The following MAN1A1 variants were observed in gnomAD, a reference collection of about 807,000 sequenced individuals.
MAN1A1 encodes the protein mannosyl-oligosaccharide 1,2-alpha-mannosidase IA.
Under a neutral mutation model 70.8 loss-of-function variants are expected in MAN1A1, and 29 were observed. The ratio of observed to expected loss-of-function variants is 0.41; its 90% CI spans 0.31 to 0.56. MAN1A1 has a LOEUF of 0.56. Among genes scored for constraint, MAN1A1 ranks in the 20% least tolerant of loss-of-function variants. The probability of loss-of-function intolerance (pLI) is 0.29; values close to 1 mark genes in which losing one functional copy is unlikely to be tolerated. For synonymous variants in MAN1A1, 349 were observed against 330.1 expected (o/e 1.06, Z -0.62); for missense variants, 747 against 841.3 (o/e 0.89, Z 1.39).
intron 6 of MAN1A1, among the ~76,000 whole-genome samples, chr6:119,229,223 A>T (rs541933121): frequency 2.0e-5 from 3 of 151,994 alleles, no homozygotes; most frequent in Non-Finnish European, 4.4e-5. Context: ...ACAAAAAAAA[A>T]AAAAACAAAA....
chr6:119,322,288 C>T lies in MAN1A1; in HGVS notation c.604-15296G>A, dbSNP rs145756402. ...ATCCACATTACTAAGTGTTGTCATT[C>T]TGGTTCCATTTCTGCTTTTTTTCTT... On this transcript the variant is annotated intron_variant, in intron 2 of 12. Coordinates refer to ENST00000368468, the MANE Select transcript of MAN1A1 (RefSeq NM_005907.4). Among the ~76,000 whole-genome samples the T allele has an allele frequency of 7.9e-3, 1,197 of 152,300 alleles. 20 individuals are homozygous for T. Among genetic ancestry groups the T allele is most frequent in the African/African-American group, 0.028 (1,148 of 41,570 alleles).
In MAN1A1 at chr6:119,349,158, T is replaced by A; in HGVS notation, c.-93A>T. 8.1e-7 allele frequency: 1 copy of A among 1,232,786 alleles called. No homozygotes were observed. The highest frequency in any genetic ancestry group is 1.0e-6 in the Non-Finnish European group (1 of 989,322). 76.4% of individuals were successfully genotyped at this position (1,232,786 alleles called of 1,614,324 possible). Reference sequence around the variant, plus strand: ...CGCGGCTGCGGGGCTGGGTCCTGCGTAGCCAGGCCGCCCGACCCCCTCGGC... The same window carrying A: ...CGCGGCTGCGGGGCTGGGTCCTGCGAAGCCAGGCCGCCCGACCCCCTCGGC... On this transcript the variant is annotated 5_prime_UTR_variant, in exon 2 of 13. Coordinates refer to ENST00000368468, the MANE Select transcript of MAN1A1 (RefSeq NM_005907.4).
intron 5 of MAN1A1, among the ~76,000 whole-genome samples, chr6:119,278,820 T>C (rs934376708): frequency 1.3e-5 from 2 of 152,028 alleles, no homozygotes; most frequent in African/African-American, 4.8e-5. Flanking sequence ...CTCCCTTCTC[T>C]CTCTTGGTCC....
chr6:119,290,978 C>T (rs1394271801), intron 4 of MAN1A1, among the ~76,000 whole-genome samples: 3 of 151,870 alleles, frequency 2.0e-5, no homozygotes, highest in East Asian at 1.9e-4. Flanking sequence ...CCCCAAAATA[C>T]GTACAATCAT....
At chr6:119,266,539 C>CA (rs71015032) in intron 5 of MAN1A1, among the ~76,000 whole-genome samples, 62,815 of 150,890 alleles carry the variant, frequency 0.42, 13,521 homozygotes, top group East Asian at 0.67. Context: ...TATACACATA[C>CA]AAAAAAAAAT....
At position 119,290,729 on chromosome 6, in the gene MAN1A1, C is replaced by T. The variant is rs549618407; in HGVS notation, c.851G>A (p.Arg284His). 3.7e-6 allele frequency: 6 copies of T among 1,610,506 alleles called. No individual in the cohort carries two copies. Among genetic ancestry groups the T allele is most frequent in the East Asian group, 2.2e-5 (1 of 44,694 alleles). Residue 284 changes from arginine (R) to histidine (H), a missense_variant, in exon 5 of 13, where the codon CGC (arginine) becomes CAC (histidine). By Grantham distance (29) the Arg-to-His change is conservative. Transcript: ENST00000368468. ...GGCTGAGAGTAGTCCACCAACAAAG[C>T]GTATATTTACTTCAAAGACAGAAAT... ...AEISVFEVNIRFVGGLLSAYY... is the reference protein window; with the variant it reads ...AEISVFEVNIHFVGGLLSAYY...
At chr6:119,336,995 A>T (rs1370733759) in intron 2 of MAN1A1, among the ~76,000 whole-genome samples, 1 of 152,246 alleles carries the variant, frequency 6.6e-6, no homozygotes, top group Non-Finnish European at 1.5e-5. Context: ...ACTTTTCAAT[A>T]AAATAACAGA....
intron 2 of MAN1A1, among the ~76,000 whole-genome samples, chr6:119,331,300 A>G (rs1337326864): frequency 6.6e-6 from 1 of 152,022 alleles, no homozygotes; most frequent in Non-Finnish European, 1.5e-5. Context: ...TTTAAAATTC[A>G]TACTGCATTT....
At chr6:119,346,760 G>A (rs1373406733) in intron 2 of MAN1A1, among the ~76,000 whole-genome samples, 3 of 152,090 alleles carry the variant, frequency 2.0e-5, no homozygotes, top group Admixed American at 6.5e-5. Flanking sequence ...TCTTTTCCTC[G>A]GACAACTGTG....
chr6:119,248,420 T>A (rs1367059897), intron 5 of MAN1A1, 66 bp from the exon 6 acceptor site: 6 of 804,108 alleles, frequency 7.5e-6, no homozygotes, highest in Non-Finnish European at 1.3e-5. Flanking sequence ...TATACTATTA[T>A]CTAATAGTTA....
At chr6:119,347,559 C>G (rs1420813611) in intron 2 of MAN1A1, among the ~76,000 whole-genome samples, 1 of 152,168 alleles carries the variant, frequency 6.6e-6, no homozygotes, top group Non-Finnish European at 1.5e-5. Context: ...CCACAGACCG[C>G]GTGGTGACAG....
In MAN1A1 at chr6:119,312,423, C is replaced by T. The variant is rs3778108; in HGVS notation, c.604-5431G>A. On this transcript the variant is annotated intron_variant, in intron 2 of 12. Transcript: ENST00000368468. ...AACTGGAAAACAGAACGGAGAGACA[C>T]AGATAAAAAGCAACTTGGGGGAAAT... Among the ~76,000 whole-genome samples the T allele has an allele frequency of 5.9e-3, 896 of 152,264 alleles. 31 individuals carry two copies. In the East Asian group the frequency reaches 0.09, roughly 15 times the overall value.
chr6:119,258,782 C>A (rs190461477), intron 5 of MAN1A1, among the ~76,000 whole-genome samples: 1 of 151,764 alleles, frequency 6.6e-6, no homozygotes, highest in African/African-American at 2.4e-5. Context: ...TTTTATGATT[C>A]GGTGAAATGT....
chr6:119,189,381 G>A (rs1236615267), intron 10 of MAN1A1, among the ~76,000 whole-genome samples: 1 of 152,204 alleles, frequency 6.6e-6, no homozygotes, highest in Admixed American at 6.5e-5. Context: ...CAGGGAGATA[G>A]AGACCCTTGC....
intron 2 of MAN1A1, among the ~76,000 whole-genome samples, chr6:119,322,379 C>A (rs1773032340): frequency 6.6e-6 from 1 of 152,120 alleles, no homozygotes. Context: ...CTATGATATG[C>A]CTTGCCAGTA....
intron 2 of MAN1A1, among the ~76,000 whole-genome samples, chr6:119,327,127 G>A (rs1014873844): frequency 6.6e-6 from 1 of 152,088 alleles, no homozygotes; most frequent in African/African-American, 2.4e-5. Context: ...AGAGCAACCT[G>A]GATTATCCAG....
intron 6 of MAN1A1, among the ~76,000 whole-genome samples, chr6:119,242,786 C>T (rs1353464533): frequency 6.6e-6 from 1 of 152,028 alleles, no homozygotes; most frequent in Non-Finnish European, 1.5e-5. Flanking sequence ...AGTGAATTTT[C>T]CAGAGACAGA....
chr6:119,347,523 G>T (rs1187239267), intron 2 of MAN1A1, among the ~76,000 whole-genome samples: 1 of 152,158 alleles, frequency 6.6e-6, no homozygotes, highest in African/African-American at 2.4e-5. Context: ...TTTCACACAG[G>T]GAAGTAGCTC....
chr6:119,306,846 C>A, intron 3 of MAN1A1, 50 bp downstream of exon 3: 1 of 1,300,612 alleles, frequency 7.7e-7, no homozygotes, highest in Non-Finnish European at 1.1e-6. Context: ...TAAGCTCAAG[C>A]AATTGGGGAG....
Sources: allele counts gnomAD v4.1 joint callset (sites outside exome capture counted in the v4.1 genomes callset), GRCh38; gene constraint gnomAD v4.1.1; transcripts MANE v1.5; gene names NCBI Gene and HGNC (gene_info 2026-07-23, HGNC 2026-07-21).